CHEK2: variants seen among roughly 807,000 people sequenced by gnomAD.
CHEK2 encodes the protein checkpoint kinase 2.
A neutral mutation model predicts 69.1 loss-of-function variants in CHEK2; 71 were observed. That is an observed-to-expected ratio of 1.03 (90% CI 0.85 to 1.25). The LOEUF is 1.25. CHEK2 is among the 50% of genes most tolerant of loss of function. The probability of loss-of-function intolerance (pLI) is 0.00; values close to 1 mark genes in which losing one functional copy is unlikely to be tolerated. For missense variants in CHEK2, 664 were observed against 649.6 expected, an observed-to-expected ratio of 1.02 and a Z score of -0.24; for synonymous variants, 189 against 226.9, an observed-to-expected ratio of 0.83 and a Z score of 1.50.
chr22:28,720,536 T>G (rs1277756986), intron 4 of CHEK2, among the ~76,000 whole-genome samples: 3 of 152,244 alleles, frequency 2.0e-5, no homozygotes, highest in Non-Finnish European at 4.4e-5. Flanking sequence ...ATGATAAATT[T>G]GCAATTGCCT....
At chr22:28,707,229 G>A (rs743185) in intron 7 of CHEK2, among the ~76,000 whole-genome samples, 29,182 of 152,088 alleles carry the variant, frequency 0.19, 3,053 homozygotes, top group East Asian at 0.39. Flanking sequence ...AGGTCATACT[G>A]GGAAAGCAGT....
chr22:28,701,207 T>C (rs1290363669), intron 8 of CHEK2, among the ~76,000 whole-genome samples: 14 of 152,104 alleles, frequency 9.2e-5, no homozygotes, highest in Non-Finnish European at 2.1e-4. Flanking sequence ...TCAGGGGTGA[T>C]CAGGGGTGTT....
rs876659006 is a variant in CHEK2 at position 28,734,483 on chromosome 22, G to T, written c.239C>A (p.Pro80His). Residue 80 changes from proline (P) to histidine (H), a missense_variant, in exon 2 of 15, where the codon CCT (proline) becomes CAT (histidine). Transcript: ENST00000404276. ...AGGCTCCTCAGGTTCTTGGTCCTCAGGTTCTTGGTCCTCAGGAATAGAATA... is the reference window on the plus strand; with the variant it reads ...AGGCTCCTCAGGTTCTTGGTCCTCATGTTCTTGGTCCTCAGGAATAGAATA... ...ELYSIPEDQE[P>H]EDQEPEEPTP... 7 of 1,614,104 alleles carry T rather than the reference G, an allele frequency of 4.3e-6. No individual in the cohort carries two copies. The highest frequency in any genetic ancestry group is 1.1e-5 in the South Asian group (1 of 91,076).
rs786203192 is a variant in CHEK2, at chr22:28,725,265, T to G, written c.422A>C (p.Lys141Thr). The G allele has an allele frequency of 3.1e-6, 5 of 1,614,184 alleles. No homozygotes were observed. Among genetic ancestry groups the G allele is most frequent in the Non-Finnish European group, 4.2e-6 (5 of 1,180,028 alleles). ...KRTDKYRTYS[K>T]KHFRIFREVG... ...TACCCTGAAAATCCGAAAGTGTTTCTTGCTGTATGTTCGGTATTTATCTGT... is the reference window on the plus strand; with the variant it reads ...TACCCTGAAAATCCGAAAGTGTTTCGTGCTGTATGTTCGGTATTTATCTGT... Residue 141 changes from lysine to threonine, a missense_variant, in exon 3 of 15, where the codon AAG (lysine) becomes ACG (threonine). Coordinates refer to ENST00000404276, the MANE Select transcript of CHEK2 (RefSeq NM_007194.4).
rs570831560 is a variant in CHEK2, at chr22:28,729,231, T to G, written c.320-3864A>C. ...AAATCCAGCAACACATAAAAAAGAT[T>G]ACAAATGACCAAACAAGAATTAACC... On this transcript the variant is annotated intron_variant, in intron 2 of 14. Transcript: ENST00000404276. The G allele has an allele frequency of 1.6e-3, 402 of 244,180 alleles. 10 individuals are homozygous for G. Among genetic ancestry groups the G allele is most frequent in the South Asian group, 0.014 (390 of 28,418 alleles). The allele number at this position is 244,180 out of a possible 1,614,324, so 15.1% of individuals were successfully genotyped here.
At chr22:28,717,673 A>C (rs2053631987) in intron 5 of CHEK2, among the ~76,000 whole-genome samples, 1 of 152,082 alleles carries the variant, frequency 6.6e-6, no homozygotes, top group African/African-American at 2.4e-5. Flanking sequence ...TCAGGAGTTC[A>C]AGACCAGCCA....
chr22:28,725,516 T>C (rs1020399922), intron 2 of CHEK2, 149 bp from the exon 3 acceptor site: 46 of 1,036,624 alleles, frequency 4.4e-5, no homozygotes, highest in Non-Finnish European at 6.3e-5. Flanking sequence ...AGATTAAAAA[T>C]TAGGAGAGAA....
intron 7 of CHEK2, among the ~76,000 whole-genome samples, chr22:28,704,201 G>A (rs2053016502): frequency 6.6e-6 from 1 of 151,846 alleles, no homozygotes; most frequent in East Asian, 1.9e-4. Flanking sequence ...TCAATGCAGG[G>A]TGCATGGAGA....
In CHEK2 at chr22:28,729,540, C is replaced by CAAAAAAAAAAAAA. The variant is rs58149342; in HGVS notation, c.320-4186_320-4174dup. Among the ~76,000 whole-genome samples, 55 of 83,070 alleles carry CAAAAAAAAAAAAA rather than the reference C, an allele frequency of 6.6e-4. 1 individual carries two copies. The highest frequency in any genetic ancestry group is 1.7e-3 in the African/African-American group (32 of 18,892). 54.5% of individuals were successfully genotyped at this position (83,070 alleles called of 152,430 possible). A position where few individuals can be genotyped will look rare whatever the true frequency, so the allele number is the denominator to read the frequency against. On this transcript the variant is annotated intron_variant, in intron 2 of 14. Transcript: ENST00000404276. ...CCTGGGCGACAGCGAGACTCCATCT[C>CAAAAAAAAAAAAA]AAAAAAAAAAAAAAAAAAAAAAAAA...
At chr22:28,733,246 T>C (rs2054270337) in intron 2 of CHEK2, among the ~76,000 whole-genome samples, 1 of 152,216 alleles carries the variant, frequency 6.6e-6, no homozygotes, top group Non-Finnish European at 1.5e-5. Flanking sequence ...TGGCCATCTC[T>C]ATTCTGAACA....
At position 28,724,894 on chromosome 22, in the gene CHEK2, T is replaced by C. The variant is rs778325382; in HGVS notation, c.592+83A>G. The C allele has an allele frequency of 3.5e-6, 5 of 1,428,156 alleles. No individual in the cohort carries two copies. In the Admixed American group the frequency reaches 8.5e-5, roughly 24 times the overall value. The allele number at this position is 1,428,156 out of a possible 1,614,324, so 88.5% of individuals were successfully genotyped here. A position where few individuals can be genotyped will look rare whatever the true frequency, so the allele number is the denominator to read the frequency against. Reference sequence around the variant, plus strand: ...TACTCATCTTTACTCACTTAAACCATATTCTGTAAGGACAGGACAAATTTT... The same window carrying C: ...TACTCATCTTTACTCACTTAAACCACATTCTGTAAGGACAGGACAAATTTT... On this transcript the variant is annotated intron_variant, in intron 4 of 14. Coordinates refer to ENST00000404276, the MANE Select transcript of CHEK2 (RefSeq NM_007194.4).
chr22:28,717,304 G>T (rs1601799398), intron 5 of CHEK2, among the ~76,000 whole-genome samples: 1 of 152,254 alleles, frequency 6.6e-6, no homozygotes, highest in East Asian at 1.9e-4. Context: ...CTTGAACCCG[G>T]GAGGCAGAGG....
At chr22:28,690,952 T>C (rs1244727616) in intron 13 of CHEK2, among the ~76,000 whole-genome samples, 2 of 151,410 alleles carry the variant, frequency 1.3e-5, no homozygotes, top group African/African-American at 4.9e-5. Context: ...CCCAGCACTT[T>C]GGGAGGCCAA....
At position 28,734,663 on chromosome 22, in the gene CHEK2, T is replaced by C. The variant is rs753257724; in HGVS notation, c.59A>G (p.Gln20Arg). 3.1e-6 allele frequency: 5 copies of C among 1,613,690 alleles called. No homozygotes were observed. Among genetic ancestry groups the C allele is most frequent in the African/African-American group, 1.3e-5 (1 of 74,832 alleles). The stretch of plus-strand genomic sequence containing the variant: ...GGACTGGGTAACGCTGCCATGGGGC[T>C]GTGAACAGGCACTGCTGCCATGAGA... ...QQSHGSSACS[Q>R]PHGSVTQSQG... The change falls in exon 2 of 15, where the codon CAG becomes CGG. Residue 20 changes from glutamine (Q) to arginine (R), a missense_variant. Transcript: ENST00000404276.
intron 2 of CHEK2, among the ~76,000 whole-genome samples, chr22:28,730,002 G>A (rs1485619520): frequency 1.3e-5 from 2 of 151,018 alleles, no homozygotes; most frequent in East Asian, 4.0e-4. Flanking sequence ...ACCACGCCCG[G>A]CTAATTTTGT....
chr22:28,709,748 T>C (rs1601776446), intron 7 of CHEK2, among the ~76,000 whole-genome samples: 1 of 151,960 alleles, frequency 6.6e-6, no homozygotes, highest in East Asian at 1.9e-4. Context: ...TCCCAAGTAG[T>C]TGGGATTACA....
intron 6 of CHEK2, among the ~76,000 whole-genome samples, chr22:28,710,764 T>G (rs1031788491): frequency 1.3e-5 from 2 of 152,232 alleles, no homozygotes; most frequent in Non-Finnish European, 2.9e-5. Flanking sequence ...GAAACCCAGA[T>G]GTTTAATTTT....
intron 7 of CHEK2, among the ~76,000 whole-genome samples, chr22:28,704,995 C>G (rs566064997): frequency 6.6e-5 from 10 of 151,850 alleles, no homozygotes; most frequent in African/African-American, 2.4e-4. Context: ...AAAGCCAAGT[C>G]AGAAAAGACT....
intron 2 of CHEK2, among the ~76,000 whole-genome samples, chr22:28,732,644 T>C (rs560481284): frequency 6.6e-6 from 1 of 152,318 alleles, no homozygotes; most frequent in African/African-American, 2.4e-5. Flanking sequence ...CTCCATTTTT[T>C]ATAGTTTTTT....
Sources: gnomAD v4.1 joint callset for allele counts (sites outside exome capture counted in the v4.1 genomes callset) on GRCh38, gnomAD v4.1.1 for gene constraint, MANE v1.5 for transcripts, NCBI Gene and HGNC (gene_info 2026-07-23, HGNC 2026-07-21) for gene names.